MKNK1: variants seen among roughly 807,000 people sequenced by gnomAD.
MKNK1 encodes the protein MAPK interacting serine/threonine kinase 1.
A neutral mutation model predicts 49.3 loss-of-function variants in MKNK1; 30 were observed. That is an observed-to-expected ratio of 0.61 (90% confidence interval 0.46 to 0.83). The LOEUF is 0.83. Ranked by LOEUF, MKNK1 falls within the 40% of genes least tolerant of loss-of-function variation. The pLI, the probability that MKNK1 is intolerant of heterozygous loss-of-function variation, is 0.00. For synonymous variants in MKNK1, 176 were observed against 201.7 expected, an observed-to-expected ratio of 0.87 and a Z score of 1.08; for missense variants, 423 against 524.7, an observed-to-expected ratio of 0.81 and a Z score of 1.89.
chr1:46,593,985 G>T, intron 2 of MKNK1, 128 bp downstream of exon 2: 1 of 685,968 alleles, frequency 1.5e-6, no homozygotes, highest in Non-Finnish European at 2.6e-6. Flanking sequence ...GGGCAGCTCC[G>T]CTATTCCTAG....
At chr1:46,593,917 T>G in intron 2 of MKNK1, 196 bp downstream of exon 2, 1 of 468,188 alleles carries the variant, frequency 2.1e-6, no homozygotes. Flanking sequence ...CTTATGACCC[T>G]TCCATGTCAT....
intron 4 of MKNK1, among the ~76,000 whole-genome samples, chr1:46,577,413 G>C (rs561446411): frequency 6.6e-6 from 1 of 152,054 alleles, no homozygotes; most frequent in Non-Finnish European, 1.5e-5. Context: ...CTGGGGAGGC[G>C]GAGGTTGCAG....
intron 3 of MKNK1, chr1:46,582,825 G>GTTTCAT (rs975517018): frequency 3.2e-5 from 15 of 463,298 alleles, no homozygotes; most frequent in Non-Finnish European, 5.6e-5. Context: ...GGAGACTGAA[G>GTTTCAT]TTTCATTTGC....
intron 12 of MKNK1, among the ~76,000 whole-genome samples, chr1:46,559,262 G>T (rs575543072): frequency 1.3e-5 from 2 of 152,224 alleles, no homozygotes; most frequent in Admixed American, 1.3e-4. Flanking sequence ...CTTCTAAGGC[G>T]GATCTGAGGT....
chr1:46,565,078 G>A lies in MKNK1; in HGVS notation c.572C>T (p.Ser191Phe). ...DLGSGMKLNN[S>F]CTPITTPELT... is the part of the protein sequence containing the mutation. ...CTCTGGTGTGGTTATGGGGGTACAG[G>A]AGTTGTTCAGTTTCATCCCACTGCC... The change falls in exon 9 of 13, where the codon TCC (serine) becomes TTC (phenylalanine). Residue 191 changes from serine to phenylalanine, a missense_variant. Transcript: ENST00000371945. The A allele has an allele frequency of 6.2e-7, 1 of 1,614,196 alleles. No individual in the cohort carries two copies. Among genetic ancestry groups the A allele is most frequent in the Non-Finnish European group, 8.5e-7 (1 of 1,180,040 alleles).
intron 7 of MKNK1, chr1:46,569,423 A>C (rs1269784324): frequency 6.6e-6 from 1 of 152,262 alleles, no homozygotes; most frequent in Non-Finnish European, 1.5e-5. Flanking sequence ...AGGACACAGA[A>C]ACCTCCCTTT....
intron 7 of MKNK1, among the ~76,000 whole-genome samples, chr1:46,570,459 A>G (rs899912450): frequency 6.6e-6 from 1 of 152,240 alleles, no homozygotes; most frequent in African/African-American, 2.4e-5. Flanking sequence ...CAGGGCCCCA[A>G]CATGGGCACT....
chr1:46,591,473 G>A (rs1673323507), intron 2 of MKNK1, among the ~76,000 whole-genome samples: 1 of 152,174 alleles, frequency 6.6e-6, no homozygotes, highest in Non-Finnish European at 1.5e-5. Flanking sequence ...AGCCTTCAGA[G>A]CTGTCACTGC....
chr1:46,603,589 G>A (rs980045478), intron 1 of MKNK1, among the ~76,000 whole-genome samples: 2 of 152,134 alleles, frequency 1.3e-5, no homozygotes, highest in African/African-American at 4.8e-5. Context: ...CAGCTAAGAG[G>A]TGGAAGAGAT....
At chr1:46,564,240 G>A (rs1240352206) in intron 9 of MKNK1, among the ~76,000 whole-genome samples, 2 of 151,804 alleles carry the variant, frequency 1.3e-5, no homozygotes, top group African/African-American at 2.4e-5. Context: ...GATCCCATGT[G>A]CATATAGCCT....
At chr1:46,559,020 T>C (rs1014703234) in intron 12 of MKNK1, among the ~76,000 whole-genome samples, 1 of 152,166 alleles carries the variant, frequency 6.6e-6, no homozygotes, top group Admixed American at 6.6e-5. Context: ...CTGGACTTGA[T>C]GGTAGGGGCA....
intron 12 of MKNK1, 38 bp from the exon 13 acceptor site, chr1:46,558,838 G>A (rs781090991): frequency 1.3e-6 from 2 of 1,575,086 alleles, no homozygotes. Flanking sequence ...AGAGGGTCAG[G>A]ACTCTAGGGT....
intron 3 of MKNK1, among the ~76,000 whole-genome samples, chr1:46,581,675 G>T (rs1008950268): frequency 2.0e-5 from 3 of 152,134 alleles, no homozygotes; most frequent in Admixed American, 1.3e-4. Flanking sequence ...ATAAAACACT[G>T]TTCTATTTTA....
intron 6 of MKNK1, among the ~76,000 whole-genome samples, chr1:46,573,331 T>C (rs1338140805): frequency 6.6e-6 from 1 of 152,240 alleles, no homozygotes; most frequent in Non-Finnish European, 1.5e-5. Context: ...TTTACTGATA[T>C]GGCGACAGAG....
At chr1:46,602,026 T>C (rs151206932) in intron 1 of MKNK1, among the ~76,000 whole-genome samples, 283 of 152,238 alleles carry the variant, frequency 1.9e-3, no homozygotes, top group African/African-American at 6.6e-3. Context: ...ATGTAAGAGA[T>C]GTAAGCCTTG....
intron 11 of MKNK1, among the ~76,000 whole-genome samples, chr1:46,561,203 T>G (rs1165824297): frequency 6.6e-6 from 1 of 152,184 alleles, no homozygotes; most frequent in Non-Finnish European, 1.5e-5. Flanking sequence ...GACAATAGGA[T>G]GCTTGCGGGG....
intron 1 of MKNK1, among the ~76,000 whole-genome samples, chr1:46,601,921 A>G (rs1228000296): frequency 6.6e-6 from 1 of 152,172 alleles, no homozygotes; most frequent in Non-Finnish European, 1.5e-5. Context: ...GATGAGAGCT[A>G]TATTAGAGGG....
rs1667261364 is a variant in MKNK1, at chr1:46,557,874, T to A, written c.*701A>T. On this transcript the variant is annotated 3_prime_UTR_variant, in exon 13 of 13. Coordinates refer to ENST00000371945, the MANE Select transcript of MKNK1 (RefSeq NM_001135553.4). ...ATCATCTTTGCTGGAACAGCATGGT[T>A]AAAAACACCAAACTTTTTTTTTAAA... 1 of 152,298 alleles carries A rather than the reference T, an allele frequency of 6.6e-6. No individual in the cohort carries two copies. Among genetic ancestry groups the A allele is most frequent in the Non-Finnish European group, 1.5e-5 (1 of 68,048 alleles). The allele number at this position is 152,298 out of a possible 1,614,324, so 9.4% of individuals were successfully genotyped here.
At chr1:46,561,091 A>T (rs1375450995) in intron 11 of MKNK1, among the ~76,000 whole-genome samples, 1 of 152,144 alleles carries the variant, frequency 6.6e-6, no homozygotes, top group Non-Finnish European at 1.5e-5. Flanking sequence ...ATGTGCCCCA[A>T]CTCGGCCACA....
Sources: allele counts gnomAD v4.1 joint callset (sites outside exome capture counted in the v4.1 genomes callset), GRCh38; gene constraint gnomAD v4.1.1; transcripts MANE v1.5; gene names NCBI Gene and HGNC (gene_info 2026-07-23, HGNC 2026-07-21).